NPHP1: variants seen among roughly 807,000 people sequenced by gnomAD.
NPHP1 encodes the protein nephrocystin-1.
A neutral mutation model predicts 90.4 loss-of-function variants in NPHP1; 70 were observed. The ratio of observed to expected loss-of-function variants is 0.77; its 90% CI spans 0.64 to 0.95. The LOEUF (loss-of-function observed/expected upper bound fraction) is 0.95. NPHP1 is among the 40% of genes least tolerant of loss of function. NPHP1 has a pLI of 0.00. For missense variants in NPHP1, 764 were observed against 795.9 expected (o/e 0.96, Z 0.48); for synonymous variants, 256 against 271.7 (o/e 0.94, Z 0.57).
chr2:110,167,332 G>A (rs780741209), intron 6 of NPHP1, among the ~76,000 whole-genome samples: 12 of 152,126 alleles, frequency 7.9e-5, no homozygotes, highest in Admixed American at 4.6e-4. Context: ...GGTATTAGAG[G>A]TTAGAACTTT....
intron 11 of NPHP1, among the ~76,000 whole-genome samples, chr2:110,156,653 C>A (rs1037895540): frequency 6.6e-6 from 1 of 152,126 alleles, no homozygotes; most frequent in African/African-American, 2.4e-5. Flanking sequence ...CCAGAGTTTA[C>A]AATTACCCTC....
intron 18 of NPHP1, chr2:110,126,078 A>T (rs976869032): frequency 2.5e-5 from 7 of 274,694 alleles, no homozygotes; most frequent in Non-Finnish European, 3.5e-5. Context: ...TCTCTCTGTC[A>T]TGATGATGAC....
chr2:110,129,308 G>T, intron 17 of NPHP1, 49 bp from the exon 18 acceptor site: 1 of 1,351,586 alleles, frequency 7.4e-7, no homozygotes, highest in Non-Finnish European at 1.1e-6. Context: ...TCACTCAATG[G>T]ATTTTATTGC....
chr2:110,174,315 T>C (rs1683359582), intron 4 of NPHP1, among the ~76,000 whole-genome samples: 1 of 152,174 alleles, frequency 6.6e-6, no homozygotes, highest in Non-Finnish European at 1.5e-5. Context: ...TTGCCTTTTT[T>C]GGGTTAATCA....
rs766289967 is a variant in NPHP1 at position 110,160,152 on chromosome 2, C to T, written c.1058G>A (p.Arg353His). ...MSIQVLSRHV[R>H]LCLFDGNKVL... ...CTTATTACCATCAAATAGACAGAGG[C>T]GTACATGTCTGCTGAGAACCTGTAT... Residue 353 changes from arginine to histidine, a missense_variant, in exon 11 of 20, where the codon CGC becomes CAC. Physicochemically the swap from Arg to His is conservative, Grantham distance 29 (BLOSUM62 0). Coordinates refer to ENST00000445609, the MANE Select transcript of NPHP1 (RefSeq NM_001128178.3). The T allele has an allele frequency of 6.1e-5, 99 of 1,612,944 alleles. No homozygotes were observed. Among genetic ancestry groups the T allele is most frequent in the Non-Finnish European group, 6.4e-5 (76 of 1,179,266 alleles).
intron 2 of NPHP1, chr2:110,185,085 C>G: frequency 5.1e-6 from 3 of 590,028 alleles, no homozygotes; most frequent in South Asian, 4.1e-5. Flanking sequence ...ATTGAGGGCT[C>G]TATCCTTGCC....
intron 11 of NPHP1, among the ~76,000 whole-genome samples, chr2:110,155,534 C>A (rs115134940): frequency 0.01 from 1,563 of 152,260 alleles, 25 homozygotes; most frequent in African/African-American, 0.036. Context: ...TGGGGTTATA[C>A]CCTGCAAAAC....
intron 4 of NPHP1, among the ~76,000 whole-genome samples, chr2:110,174,658 G>C (rs1014363967): frequency 6.6e-6 from 1 of 151,954 alleles, no homozygotes; most frequent in Non-Finnish European, 1.5e-5. Context: ...GTGGTCATTT[G>C]TGGACATACA....
At chr2:110,178,343 A>G (rs751809374) in intron 4 of NPHP1, 80 bp downstream of exon 4, 9 of 1,331,778 alleles carry the variant, frequency 6.8e-6, no homozygotes, top group South Asian at 5.8e-5. Flanking sequence ...CTATACTGCT[A>G]TATGTCTTTG....
intron 19 of NPHP1, chr2:110,125,216 T>C (rs1041106670): frequency 6.5e-7 from 1 of 1,535,176 alleles, no homozygotes; most frequent in Non-Finnish European, 8.7e-7. Flanking sequence ...GATTGGTAAT[T>C]ACCATGATTT....
In NPHP1 at chr2:110,160,325, T is replaced by C. The variant is rs926150205; in HGVS notation, c.955-70A>G. ...TAACACAAATCTGTCTTTTGTGAAT[T>C]CGGCTTATGAAAATGTATACAGAAT... is the stretch of plus-strand genomic sequence containing the variant. On this transcript the variant is annotated intron_variant, in intron 10 of 19. Transcript: ENST00000445609. The C allele has an allele frequency of 1.5e-5, 19 of 1,308,060 alleles. No homozygotes were observed. The East Asian group carries it at 2.1e-4, about 15-fold the overall frequency. The allele number at this position is 1,308,060 out of a possible 1,614,324, so 81.0% of individuals were successfully genotyped here. A position where few individuals can be genotyped will look rare whatever the true frequency, so the allele number is the denominator to read the frequency against.
At chr2:110,155,909 G>C (rs4953755) in intron 11 of NPHP1, among the ~76,000 whole-genome samples, 47,546 of 151,822 alleles carry the variant, frequency 0.31, 8,073 homozygotes, top group East Asian at 0.59. Flanking sequence ...GGCATGATAG[G>C]TTTGGAAATG....
intron 11 of NPHP1, among the ~76,000 whole-genome samples, chr2:110,154,091 G>T (rs1414437479): frequency 1.3e-5 from 2 of 152,270 alleles, no homozygotes; most frequent in African/African-American, 4.8e-5. Flanking sequence ...CATGTCATGG[G>T]AGAATCCAGT....
chr2:110,167,463 G>A (rs561766798), intron 6 of NPHP1, among the ~76,000 whole-genome samples: 42 of 152,194 alleles, frequency 2.8e-4, no homozygotes, highest in African/African-American at 1.0e-3. Context: ...TAAATGATGG[G>A]GTTCCAGGAA....
At chr2:110,177,201 G>C (rs973405056) in intron 4 of NPHP1, among the ~76,000 whole-genome samples, 9 of 152,156 alleles carry the variant, frequency 5.9e-5, no homozygotes, top group East Asian at 5.8e-4. Flanking sequence ...CAGATGCTTT[G>C]TATATTTTGT....
At chr2:110,201,624 T>A (rs1401316809) in intron 1 of NPHP1, 130 bp from the exon 2 acceptor site, 1 of 675,470 alleles carries the variant, frequency 1.5e-6, no homozygotes, top group African/African-American at 1.8e-5. Context: ...AATTTTACAG[T>A]GAAAACCCAT....
chr2:110,141,049 G>C (rs1011463461), intron 16 of NPHP1, among the ~76,000 whole-genome samples: 5 of 152,108 alleles, frequency 3.3e-5, no homozygotes, highest in Non-Finnish European at 7.4e-5. Flanking sequence ...CAGTTCAGCT[G>C]CAACAGTCTC....
chr2:110,195,535 C>CTCA (rs1409248036), intron 2 of NPHP1, among the ~76,000 whole-genome samples: 1 of 152,176 alleles, frequency 6.6e-6, no homozygotes, highest in African/African-American at 2.4e-5. Flanking sequence ...ACATTCCATG[C>CTCA]TCATGGGTAG....
chr2:110,166,782 C>T (rs75244808), intron 6 of NPHP1, among the ~76,000 whole-genome samples: 8 of 152,040 alleles, frequency 5.3e-5, no homozygotes, highest in African/African-American at 1.4e-4. Context: ...GCAACATAAT[C>T]GATAGTGATT....
Sources: gnomAD v4.1 joint callset for allele counts (sites outside exome capture counted in the v4.1 genomes callset) on GRCh38, gnomAD v4.1.1 for gene constraint, MANE v1.5 for transcripts, NCBI Gene and HGNC (gene_info 2026-07-23, HGNC 2026-07-21) for gene names.